The following FDFT1 variants were observed in gnomAD, a reference collection of about 807,000 sequenced individuals.
FDFT1 encodes farnesyl-diphosphate farnesyltransferase 1, also known as squalene synthase.
A neutral mutation model predicts 46.8 loss-of-function variants in FDFT1; 68 were observed. The ratio of observed to expected loss-of-function variants is 1.45; its 90% CI spans 1.19 to 1.78. The LOEUF (loss-of-function observed/expected upper bound fraction) is 1.78, where lower values mean the gene tolerates loss of function less well. Ranked by LOEUF, FDFT1 falls within the 40% of genes most tolerant of loss-of-function variation. FDFT1 has a pLI of 0.00. For synonymous variants in FDFT1, 351 were observed against 185.1 expected, an observed-to-expected ratio of 1.90 and a Z score of -7.28; for missense variants, 928 against 524.4, an observed-to-expected ratio of 1.77 and a Z score of -7.52.
At chr8:11,810,291 A>G (rs1807522408) in intron 3 of FDFT1, among the ~76,000 whole-genome samples, 1 of 152,184 alleles carries the variant, frequency 6.6e-6, no homozygotes, top group Non-Finnish European at 1.5e-5. Flanking sequence ...AAGCCTGCCG[A>G]CTGTATGATG....
intron 3 of FDFT1, among the ~76,000 whole-genome samples, chr8:11,811,788 T>C (rs1436290535): frequency 6.6e-6 from 1 of 152,246 alleles, no homozygotes; most frequent in Non-Finnish European, 1.5e-5. Flanking sequence ...ACCTTTTGTA[T>C]CCTTACGAAT....
At chr8:11,807,374 G>C (rs1287512740) in intron 1 of FDFT1, among the ~76,000 whole-genome samples, 1 of 152,018 alleles carries the variant, frequency 6.6e-6, no homozygotes, top group African/African-American at 2.4e-5. Flanking sequence ...TGTTGCCCAG[G>C]CTGCCCTCAA....
At chr8:11,832,337 T>G (rs749965719) in intron 7 of FDFT1, among the ~76,000 whole-genome samples, 2 of 151,766 alleles carry the variant, frequency 1.3e-5, no homozygotes, top group Non-Finnish European at 2.9e-5. Context: ...GGAGGATCAC[T>G]TGAGGCCAGG....
chr8:11,803,920 T>G (rs1806467324), intron 1 of FDFT1: 1 of 152,362 alleles, frequency 6.6e-6, no homozygotes, highest in East Asian at 1.9e-4. Context: ...ACATTCAGTT[T>G]TCTTCATCTT....
At chr8:11,834,145 T>C (rs748521128) in intron 7 of FDFT1, among the ~76,000 whole-genome samples, 3 of 152,214 alleles carry the variant, frequency 2.0e-5, no homozygotes, top group Non-Finnish European at 4.4e-5. Context: ...CTGGACTTAG[T>C]GTTGTAGCGA....
At chr8:11,797,209 C>A (rs1244226591) in intron 1 of FDFT1, among the ~76,000 whole-genome samples, 3 of 152,204 alleles carry the variant, frequency 2.0e-5, no homozygotes, top group Non-Finnish European at 2.9e-5. Context: ...GTCTGAACCC[C>A]ACCTCTGGAG....
At position 11,830,221 on chromosome 8, in the gene FDFT1, C is replaced by T. The variant is rs562183536; in HGVS notation, c.703-23C>T. ...TCCCCTATGCACACGCTGACCTGTT[C>T]CTTAATCTTCTTATCTGTCTAGGTT... is the stretch of plus-strand genomic sequence containing the variant. On this transcript the variant is annotated intron_variant, in intron 5 of 7. Transcript: ENST00000220584. 1.4e-5 allele frequency: 23 copies of T among 1,598,692 alleles called. No individual in the cohort carries two copies. In the East Asian group the frequency reaches 4.7e-4, roughly 33 times the overall value.
rs756314607 is a variant in FDFT1, at chr8:11,831,499, C to G, written c.880-19C>G. The G allele has an allele frequency of 2.6e-5, 41 of 1,602,552 alleles. No homozygotes were observed. The highest frequency in any genetic ancestry group is 1.7e-4 in the Middle Eastern group (1 of 6,020). On this transcript the variant is annotated intron_variant, in intron 6 of 7. Transcript: ENST00000220584. ...CGACATCATTTCTTCTTTTTTCCCT[C>G]TCTTCTTGTTGTCTCTAGGTGATGG...
At chr8:11,821,673 ATT>A in intron 3 of FDFT1, 75 bp from the exon 4 acceptor site, 1 of 1,518,504 alleles carries the variant, frequency 6.6e-7, no homozygotes. Context: ...TAATTCCGCC[ATT>A]GTTTGCCTTG....
chr8:11,803,374 A>G (rs1257095541), intron 1 of FDFT1: 1 of 1,289,568 alleles, frequency 7.8e-7, no homozygotes, highest in Admixed American at 2.3e-5. Flanking sequence ...CTCCAGTTTC[A>G]CCACCTCTTC....
At chr8:11,820,655 A>G (rs1809105357) in intron 3 of FDFT1, among the ~76,000 whole-genome samples, 1 of 152,148 alleles carries the variant, frequency 6.6e-6, no homozygotes, top group African/African-American at 2.4e-5. Flanking sequence ...GCAAGGTTCC[A>G]TGGGCATGGG....
chr8:11,809,057 G>C (rs913122325), intron 2 of FDFT1, 166 bp downstream of exon 2: 6 of 1,341,688 alleles, frequency 4.5e-6, no homozygotes, highest in Non-Finnish European at 4.0e-6. Flanking sequence ...AGCCCTTCCA[G>C]GCTCTTTGCC....
intron 1 of FDFT1, among the ~76,000 whole-genome samples, chr8:11,796,532 T>G (rs997811858): frequency 3.3e-5 from 5 of 152,136 alleles, no homozygotes; most frequent in African/African-American, 1.2e-4. Flanking sequence ...AGTTTTGTAC[T>G]TAGTGGACAC....
At chr8:11,825,588 T>C (rs1809850060) in intron 4 of FDFT1, among the ~76,000 whole-genome samples, 1 of 151,434 alleles carries the variant, frequency 6.6e-6, no homozygotes, top group Non-Finnish European at 1.5e-5. Context: ...CACGGTGGTA[T>C]TTGCCTACAA....
chr8:11,809,906 G>C (rs1807466817), intron 3 of FDFT1, 56 bp downstream of exon 3: 17 of 1,337,050 alleles, frequency 1.3e-5, no homozygotes, highest in Non-Finnish European at 1.7e-5. Flanking sequence ...TTGCTAACGT[G>C]GTTGTCCGGT....
At chr8:11,821,981 C>G in intron 4 of FDFT1, 103 bp downstream of exon 4, 1 of 1,387,146 alleles carries the variant, frequency 7.2e-7, no homozygotes, top group Non-Finnish European at 1.0e-6. Context: ...TTTTCAGCCC[C>G]TCTGGTTTTA....
intron 5 of FDFT1, among the ~76,000 whole-genome samples, chr8:11,828,162 C>T (rs141733941): frequency 2.0e-5 from 3 of 152,170 alleles, no homozygotes; most frequent in African/African-American, 7.2e-5. Flanking sequence ...GTGGCACACC[C>T]CTATAGTTCT....
Position 11,838,736 on chromosome 8 carries a change from G to C in FDFT1, c.*127G>C. 2.6e-6 allele frequency: 2 copies of C among 768,136 alleles called. No individual in the cohort carries two copies. The highest frequency in any genetic ancestry group is 2.7e-5 in the East Asian group (1 of 37,420). The allele number at this position is 768,136 out of a possible 1,614,324, so 47.6% of individuals were successfully genotyped here. ...TCCCTAAAAGAACGCTGTGTGGCTGGGACCTTTAGGAAAGTGAAATGCAGG... is the reference window on the plus strand; with the variant it reads ...TCCCTAAAAGAACGCTGTGTGGCTGCGACCTTTAGGAAAGTGAAATGCAGG... On this transcript the variant is annotated 3_prime_UTR_variant, in exon 8 of 8. Transcript: ENST00000220584.
rs1281379440 is a variant in FDFT1, at chr8:11,830,293, A to G, written c.752A>G (p.Asn251Ser). Residue 251 changes from asparagine to serine, a missense_variant, in exon 6 of 8, where the codon AAT becomes AGT. Coordinates refer to ENST00000220584, the MANE Select transcript of FDFT1 (RefSeq NM_004462.5). ...TTAGGGGATTTTGCTAAGCCGGAGA[A>G]TATTGACTTGGCCGTGCAGTGCCTG... ...KKLGDFAKPE[N>S]IDLAVQCLNE... The G allele has an allele frequency of 4.3e-6, 7 of 1,613,916 alleles. No homozygotes were observed. In the Admixed American group the frequency reaches 5.0e-5, roughly 12 times the overall value.
Sources: gnomAD v4.1 joint callset for allele counts (sites outside exome capture counted in the v4.1 genomes callset) on GRCh38, gnomAD v4.1.1 for gene constraint, MANE v1.5 for transcripts, NCBI Gene and HGNC (gene_info 2026-07-23, HGNC 2026-07-21) for gene names.